NRXN3: variants seen among roughly 807,000 people sequenced by gnomAD.
The protein encoded by NRXN3 is neurexin 3, also known as neurexin III.
In NRXN3, 32 loss-of-function variants were observed where a neutral mutation model predicts 137.6. The observed-to-expected ratio is 0.23, with a 90% confidence interval of 0.18 to 0.31. NRXN3 has a LOEUF of 0.31. Among genes scored for constraint, NRXN3 ranks in the 10% least tolerant of loss-of-function variants. The pLI is 1.00. For synonymous variants in NRXN3, 798 were observed against 784.5 expected (o/e 1.02, Z -0.29); for missense variants, 1,574 against 2,062.5 (o/e 0.76, Z 4.59).
chr14:78,549,558 T>A (rs529723826), intron 4 of NRXN3, among the ~76,000 whole-genome samples: 1 of 152,206 alleles, frequency 6.6e-6, no homozygotes, highest in Admixed American at 6.5e-5. Flanking sequence ...CAGTGCCTCA[T>A]CGATGTGCTC....
At chr14:79,606,257 CAACAAACCAACCAAATAAATAAAT>C (rs1273683309) in intron 16 of NRXN3, among the ~76,000 whole-genome samples, 2 of 152,014 alleles carry the variant, frequency 1.3e-5, no homozygotes, top group Non-Finnish European at 2.9e-5. Context: ...AATAAATAAA[CAACAAACCAACCAAATAAATAAAT>C]AAAGCAGATA....
At chr14:79,748,983 C>T (rs576496272) in intron 19 of NRXN3, among the ~76,000 whole-genome samples, 5 of 151,346 alleles carry the variant, frequency 3.3e-5, no homozygotes, top group African/African-American at 1.2e-4. Context: ...GCTCCTGGTC[C>T]GAAAGAAGCT....
intron 10 of NRXN3, among the ~76,000 whole-genome samples, chr14:78,904,097 G>T (rs950741851): frequency 1.3e-5 from 2 of 152,024 alleles, no homozygotes; most frequent in African/African-American, 4.8e-5. Flanking sequence ...GAGATCAGGC[G>T]ATATGTCAAG....
intron 15 of NRXN3, among the ~76,000 whole-genome samples, chr14:79,284,347 T>C (rs1232514969): frequency 5.6e-4 from 38 of 68,376 alleles, no homozygotes; most frequent in Middle Eastern, 7.5e-3. Context: ...AAAATACATA[T>C]ATATATATAT....
chr14:79,724,807 C>A (rs1271616154), intron 19 of NRXN3, among the ~76,000 whole-genome samples: 1 of 152,050 alleles, frequency 6.6e-6, no homozygotes, highest in Non-Finnish European at 1.5e-5. Flanking sequence ...CCCTTCAGAG[C>A]CTCATAAGTG....
intron 15 of NRXN3, among the ~76,000 whole-genome samples, chr14:79,205,716 C>T (rs939291902): frequency 6.6e-6 from 1 of 152,138 alleles, no homozygotes; most frequent in Non-Finnish European, 1.5e-5. Context: ...AGTCCTATGA[C>T]AGAAATCCAG....
At chr14:79,173,674 G>A (rs2062016198) in intron 15 of NRXN3, among the ~76,000 whole-genome samples, 1 of 152,088 alleles carries the variant, frequency 6.6e-6, no homozygotes, top group African/African-American at 2.4e-5. Context: ...CTGTGGCTTG[G>A]ACAAATTAGG....
chr14:79,434,456 G>A (rs2095811649), intron 15 of NRXN3, among the ~76,000 whole-genome samples: 1 of 152,194 alleles, frequency 6.6e-6, no homozygotes, highest in Non-Finnish European at 1.5e-5. Flanking sequence ...ATAATGTCAA[G>A]GCCTCTCAGA....
At chr14:79,292,116 A>G (rs1051385091) in intron 15 of NRXN3, among the ~76,000 whole-genome samples, 11 of 152,312 alleles carry the variant, frequency 7.2e-5, no homozygotes, top group African/African-American at 2.6e-4. Flanking sequence ...AGGTCAGGTA[A>G]TCTGTGCAAA....
At chr14:78,441,516 C>T (rs2094246317) in intron 4 of NRXN3, among the ~76,000 whole-genome samples, 1 of 152,128 alleles carries the variant, frequency 6.6e-6, no homozygotes, top group African/African-American at 2.4e-5. Context: ...GTTCTCCCTT[C>T]TTAGAGTCAG....
intron 20 of NRXN3, among the ~76,000 whole-genome samples, chr14:79,819,230 A>C (rs2099262966): frequency 6.6e-6 from 1 of 152,222 alleles, no homozygotes; most frequent in Non-Finnish European, 1.5e-5. Flanking sequence ...CATAGCAGCC[A>C]TGGAAACAAA....
intron 4 of NRXN3, among the ~76,000 whole-genome samples, chr14:78,640,424 C>G (rs1601749136): frequency 6.6e-6 from 1 of 152,050 alleles, no homozygotes; most frequent in Non-Finnish European, 1.5e-5. Flanking sequence ...TTTAAGACAC[C>G]AAGCCATTAG....
chr14:78,903,445 G>A (rs955921199), intron 10 of NRXN3, among the ~76,000 whole-genome samples: 4 of 151,984 alleles, frequency 2.6e-5, no homozygotes, highest in African/African-American at 9.7e-5. Flanking sequence ...TCTGACTGAA[G>A]TTTCATCTTT....
chr14:78,332,130 ACCT>A (rs1393757597), intron 4 of NRXN3, among the ~76,000 whole-genome samples: 8 of 152,120 alleles, frequency 5.3e-5, no homozygotes, highest in Non-Finnish European at 1.2e-4. Flanking sequence ...AATAATGAAG[ACCT>A]CATCATGGTG....
chr14:78,920,046 G>T (rs1016887843), intron 10 of NRXN3, among the ~76,000 whole-genome samples: 2 of 152,186 alleles, frequency 1.3e-5, no homozygotes, highest in Admixed American at 1.3e-4. Context: ...AATTAGGATA[G>T]CTAATGATCT....
At chr14:79,161,106 C>T (rs967323175) in intron 15 of NRXN3, among the ~76,000 whole-genome samples, 2 of 151,914 alleles carry the variant, frequency 1.3e-5, no homozygotes, top group Non-Finnish European at 2.9e-5. Context: ...TGTTCTTCCT[C>T]TTCATATAAT....
At chr14:79,369,450 T>A (rs748639901) in intron 15 of NRXN3, among the ~76,000 whole-genome samples, 1 of 152,136 alleles carries the variant, frequency 6.6e-6, no homozygotes, top group Non-Finnish European at 1.5e-5. Context: ...TGGTGAGTGA[T>A]CCATGGAATT....
chr14:78,784,076 AAAAAAC>A (rs942701609), intron 8 of NRXN3, among the ~76,000 whole-genome samples: 2 of 151,854 alleles, frequency 1.3e-5, no homozygotes, highest in African/African-American at 4.8e-5. Flanking sequence ...AAAAAAAAAA[AAAAAAC>A]AACACCAAAC....
chr14:78,298,201 G>T (rs958433057), intron 4 of NRXN3, among the ~76,000 whole-genome samples: 1 of 152,230 alleles, frequency 6.6e-6, no homozygotes, highest in African/African-American at 2.4e-5. Context: ...GAGCAACCAA[G>T]CGGTTAACTT....
Sources: allele counts gnomAD v4.1 joint callset (sites outside exome capture counted in the v4.1 genomes callset), GRCh38; gene constraint gnomAD v4.1.1; transcripts MANE v1.5; gene names NCBI Gene and HGNC (gene_info 2026-07-23, HGNC 2026-07-21).